Variants in HSP90AB1 observed in about 807,000 individuals in gnomAD.
HSP90AB1 encodes the protein heat shock protein 90 alpha family class B member 1, also known as heat shock protein HSP 90-beta.
A neutral mutation model predicts 67.8 loss-of-function variants in HSP90AB1; 17 were observed. The observed-to-expected ratio is 0.25, with a 90% CI of 0.17 to 0.38. The LOEUF (loss-of-function observed/expected upper bound fraction) is 0.38, where lower values mean the gene tolerates loss of function less well. Among genes scored for constraint, HSP90AB1 ranks in the 10% least tolerant of loss-of-function variants. The probability of loss-of-function intolerance (pLI) is 1.00; values close to 1 mark genes in which losing one functional copy is unlikely to be tolerated. For missense variants in HSP90AB1, 690 were observed against 899.9 expected (o/e 0.77, Z 2.98); for synonymous variants, 390 against 312.9 (o/e 1.25, Z -2.60).
chr6:44,250,607 A>G lies in HSP90AB1; in HGVS notation c.957+8A>G, dbSNP rs377717753. 412 of 1,507,992 alleles carry G rather than the reference A, an allele frequency of 2.7e-4. No individual in the cohort carries two copies. The African/African-American group carries it at 5.0e-3, about 18-fold the overall frequency. The allele number at this position is 1,507,992 out of a possible 1,614,324, so 93.4% of individuals were successfully genotyped here. A position where few individuals can be genotyped will look rare whatever the true frequency, so the allele number is the denominator to read the frequency against. ...GACCACTTGGCAGTCAAGGTGTGAG[A>G]AGCCTTTGCATGTTGGCTCAACATG... On this transcript the variant is annotated splice_region_variant and intron_variant, in intron 6 of 11. Transcript: ENST00000371646.
intron 11 of HSP90AB1, 23 bp from the exon 12 acceptor site, chr6:44,253,466 C>CA: frequency 6.2e-7 from 1 of 1,610,106 alleles, no homozygotes; most frequent in South Asian, 1.1e-5. Flanking sequence ...GGTCAAGTCT[C>CA]ACATGGCTTA....
In HSP90AB1 at chr6:44,251,033, T is replaced by C. The variant is rs1332768368; in HGVS notation, c.958-15T>C. On this transcript the variant is annotated splice_polypyrimidine_tract_variant and intron_variant, in intron 6 of 11. Coordinates refer to ENST00000371646, the MANE Select transcript of HSP90AB1 (RefSeq NM_007355.4). ...CCTCTTTTGAAATGTACCACTTATTTTTGGTTTCTTTCAGCACTTTTCTGT... is the reference window on the plus strand; with the variant it reads ...CCTCTTTTGAAATGTACCACTTATTCTTGGTTTCTTTCAGCACTTTTCTGT... 1 of 1,612,660 alleles carries C rather than the reference T, an allele frequency of 6.2e-7. No homozygotes were observed. Among genetic ancestry groups the C allele is most frequent in the Admixed American group, 1.7e-5 (1 of 59,946 alleles).
chr6:44,252,726 G>T (rs911691064), intron 10 of HSP90AB1, among the ~76,000 whole-genome samples: 1 of 151,762 alleles, frequency 6.6e-6, no homozygotes, highest in African/African-American at 2.4e-5. Flanking sequence ...TCCATCTCCT[G>T]ACCTTGTGAT....
At chr6:44,248,367 A>G (rs756693025) in intron 1 of HSP90AB1, among the ~76,000 whole-genome samples, 1 of 152,214 alleles carries the variant, frequency 6.6e-6, no homozygotes, top group African/African-American at 2.4e-5. Flanking sequence ...GCTGGTCACC[A>G]TTCTTTAAGT....
chr6:44,249,019 TGA>T (rs540665649), intron 2 of HSP90AB1, among the ~76,000 whole-genome samples: 192 of 152,302 alleles, frequency 1.3e-3, no homozygotes, highest in African/African-American at 4.5e-3. Context: ...GATTTGAGGC[TGA>T]GAGAGGTAAA....
intron 7 of HSP90AB1, 91 bp downstream of exon 7, chr6:44,251,304 A>G (rs909328582): frequency 1.9e-6 from 3 of 1,540,572 alleles, no homozygotes; most frequent in Non-Finnish European, 2.7e-6. Flanking sequence ...AGTTTTCTGC[A>G]ATACATAGTA....
At chr6:44,249,035 A>T (rs969983507) in intron 2 of HSP90AB1, among the ~76,000 whole-genome samples, 5 of 152,238 alleles carry the variant, frequency 3.3e-5, no homozygotes, top group Non-Finnish European at 7.3e-5. Flanking sequence ...AGGTAAACCA[A>T]GATTTTCTTT....
intron 2 of HSP90AB1, 128 bp downstream of exon 2, chr6:44,248,904 A>G: frequency 1.2e-6 from 1 of 848,118 alleles, no homozygotes. Flanking sequence ...TATTCCAAAA[A>G]GATGGGTTTT....
intron 3 of HSP90AB1, 36 bp downstream of exon 3, chr6:44,249,619 GTTC>G (rs774924507): frequency 3.1e-6 from 5 of 1,611,048 alleles, no homozygotes; most frequent in Admixed American, 1.7e-5. Flanking sequence ...ACTTATCTGT[GTTC>G]TTTGGTTTTT....
In HSP90AB1 at chr6:44,251,827, C is replaced by T. The variant is rs375047280; in HGVS notation, c.1405C>T (p.Leu469=). 4 of 1,612,922 alleles carry T rather than the reference C, an allele frequency of 2.5e-6. No individual in the cohort carries two copies. The highest frequency in any genetic ancestry group is 1.3e-5 in the African/African-American group (1 of 74,906). The change falls in exon 9 of 12, where the codon CTG becomes TTG. Residue 469 remains leucine (L), a synonymous_variant. Transcript: ENST00000371646. ...CCAGTCTGGAGATGAGATGACATCT[C>T]TGTCAGAGTATGTTTCTCGCATGAA... is the stretch of plus-strand genomic sequence containing the variant. ...TSQSGDEMTS[L]SEYVSRMKET...
At chr6:44,252,988 C>A in intron 10 of HSP90AB1, 57 bp from the exon 11 acceptor site, 1 of 1,429,262 alleles carries the variant, frequency 7.0e-7, no homozygotes, top group Non-Finnish European at 9.8e-7. Flanking sequence ...CTTGACAATG[C>A]CTGTTTTCTC....
chr6:44,251,353 G>A, intron 7 of HSP90AB1, 65 bp from the exon 8 acceptor site: 1 of 1,546,816 alleles, frequency 6.5e-7, no homozygotes, highest in Non-Finnish European at 8.9e-7. Flanking sequence ...CCTTCTGTTT[G>A]AATCTGGGGA....
In HSP90AB1 at chr6:44,249,577, T is replaced by G. The variant is rs1163245607; in HGVS notation, c.348T>G (p.Ala116=). Residue 116 remains alanine, a synonymous_variant, in exon 3 of 12, where the codon GCT becomes GCG. Transcript: ENST00000371646. ...CTGGTACTAAAGCATTCATGGAGGC[T>G]CTTCAGGTATTGCAGTTCTGTAGGC... ...AKSGTKAFME[A]LQAGADISMI... is the part of the protein sequence containing the mutation. 1 of 1,613,726 alleles carries G rather than the reference T, an allele frequency of 6.2e-7. No homozygotes were observed. The highest frequency in any genetic ancestry group is 8.5e-7 in the Non-Finnish European group (1 of 1,179,738).
At chr6:44,250,862 CTA>C in intron 6 of HSP90AB1, among the ~76,000 whole-genome samples, 184 bp from the exon 7 acceptor site, 1 of 152,176 alleles carries the variant, frequency 6.6e-6, no homozygotes, top group East Asian at 1.9e-4. Context: ...GGACTGTTTT[CTA>C]CATACAGCTA....
intron 1 of HSP90AB1, among the ~76,000 whole-genome samples, chr6:44,248,339 C>T (rs969900600): frequency 6.6e-6 from 1 of 152,212 alleles, no homozygotes; most frequent in African/African-American, 2.4e-5. Flanking sequence ...TGCCATACTA[C>T]CAGATGATGC....
In HSP90AB1 at chr6:44,251,056, T is replaced by C. The variant is rs1227854367; in HGVS notation, c.966T>C (p.Ser322=). The C allele has an allele frequency of 1.2e-6, 2 of 1,613,918 alleles. No homozygotes were observed. Among genetic ancestry groups the C allele is most frequent in the South Asian group, 1.1e-5 (1 of 91,080 alleles). Residue 322 remains serine (S), a synonymous_variant, in exon 7 of 12, where the codon TCT becomes TCC. Transcript: ENST00000371646. ...WEDHLAVKHF[S]VEGQLEFRAL... ...TTTTTGGTTTCTTTCAGCACTTTTC[T>C]GTAGAAGGTCAGTTGGAATTCAGGG...
Position 44,250,584 on chromosome 6 carries a change from C to A in HSP90AB1, c.942C>A (p.Asp314Glu). ...AGAGCCTCACTAATGACTGGGAAGACCACTTGGCAGTCAAGGTGTGAGAAG... is the reference window on the plus strand; with the variant it reads ...AGAGCCTCACTAATGACTGGGAAGAACACTTGGCAGTCAAGGTGTGAGAAG... ...FYKSLTNDWE[D>E]HLAVKHFSVE... Residue 314 changes from aspartate (D) to glutamate (E), a missense_variant, in exon 6 of 12, where the codon GAC (aspartate) becomes GAA (glutamate). Coordinates refer to ENST00000371646, the MANE Select transcript of HSP90AB1 (RefSeq NM_007355.4). The A allele has an allele frequency of 6.3e-7, 1 of 1,599,172 alleles. No individual in the cohort carries two copies. Among genetic ancestry groups the A allele is most frequent in the Non-Finnish European group, 8.6e-7 (1 of 1,167,756 alleles).
At position 44,251,870 on chromosome 6, in the gene HSP90AB1, T is replaced by C. The variant is rs1780681640; in HGVS notation, c.1448T>C (p.Ile483Thr). 5.6e-6 allele frequency: 9 copies of C among 1,613,082 alleles called. No individual in the cohort carries two copies. The highest frequency in any genetic ancestry group is 7.6e-6 in the Non-Finnish European group (9 of 1,180,034). ...VSRMKETQKS[I>T]YYITGESKEQ... ...CGCATGAAGGAGACACAGAAGTCCATCTATTACATCACTGGTGCGTTGACT... is the reference window on the plus strand; with the variant it reads ...CGCATGAAGGAGACACAGAAGTCCACCTATTACATCACTGGTGCGTTGACT... The change falls in exon 9 of 12, where the codon ATC becomes ACC. Residue 483 changes from isoleucine to threonine, a missense_variant. This residue lies in a region of HSP90AB1 where 206 missense variants were observed against 221.4 expected (regional missense o/e 0.93). Transcript: ENST00000371646.
At chr6:44,246,468 G>T (rs372686840), upstream of HSP90AB1, 1 of 153,262 alleles carries the variant, frequency 6.5e-6, no homozygotes, top group African/African-American at 2.4e-5. Flanking sequence ...TGGAAATGCC[G>T]CAGTGCCGCC....
Sources: allele counts gnomAD v4.1 joint callset (sites outside exome capture counted in the v4.1 genomes callset), GRCh38; gene constraint gnomAD v4.1.1; regional missense constraint gnomAD v4.1.1; transcripts MANE v1.5; gene names NCBI Gene and HGNC (gene_info 2026-07-23, HGNC 2026-07-21).